SLC26A3: variants seen among roughly 807,000 people sequenced by gnomAD.
SLC26A3 encodes chloride anion exchanger.
Under a neutral mutation model 85.6 loss-of-function variants are expected in SLC26A3, and 64 were observed. The observed-to-expected ratio is 0.75, with a 90% CI of 0.61 to 0.92. The LOEUF (loss-of-function observed/expected upper bound fraction) is 0.92, where lower values mean the gene tolerates loss of function less well. Among genes scored for constraint, SLC26A3 ranks in the 40% least tolerant of loss-of-function variants. SLC26A3 has a pLI of 0.00. For missense variants in SLC26A3, 922 were observed against 927.3 expected, an observed-to-expected ratio of 0.99 and a Z score of 0.07; for synonymous variants, 349 against 336.0, an observed-to-expected ratio of 1.04 and a Z score of -0.42.
At chr7:107,775,628 G>A (rs1038008521) in intron 15 of SLC26A3, among the ~76,000 whole-genome samples, 2 of 151,386 alleles carry the variant, frequency 1.3e-5, no homozygotes, top group African/African-American at 4.9e-5. Flanking sequence ...TCTACTTGGG[G>A]GGCTGAGGTA....
At chr7:107,784,464 T>TG in intron 8 of SLC26A3, among the ~76,000 whole-genome samples, 1 of 152,276 alleles carries the variant, frequency 6.6e-6, no homozygotes, top group Non-Finnish European at 1.5e-5. Flanking sequence ...TCTGTTTTTT[T>TG]GAGATGGGGT....
chr7:107,767,868 A>G lies in SLC26A3; in HGVS notation c.2103T>C (p.Asp701=), dbSNP rs1366488913. The G allele has an allele frequency of 6.2e-7, 1 of 1,613,700 alleles. No individual in the cohort carries two copies. Among genetic ancestry groups the G allele is most frequent in the Admixed American group, 1.7e-5 (1 of 59,958 alleles). Residue 701 remains aspartate, a synonymous_variant, in exon 19 of 21, where the codon GAT becomes GAC. Coordinates refer to ENST00000340010, the MANE Select transcript of SLC26A3 (RefSeq NM_000111.3). ...AAAATATTGAGCTTTTCACTTCACCATCAAAAAATTCATACCGGTTAAGCT... is the reference window on the plus strand; with the variant it reads ...AAAATATTGAGCTTTTCACTTCACCGTCAAAAAATTCATACCGGTTAAGCT... The part of the protein sequence containing the change: ...IEKLNRYEFF[D]GEVKSSIFFL...
chr7:107,767,912 A>G lies in SLC26A3; in HGVS notation c.2063-4T>C, dbSNP rs771064312. The G allele has an allele frequency of 2.5e-6, 4 of 1,613,094 alleles. No homozygotes were observed. In the African/African-American group the frequency reaches 5.3e-5, roughly 22 times the overall value. ...TTAAGCTTCTCAATGAAGTCATCTG[A>G]AGAGAAAAAAACAGTAACTTTTAGG... On this transcript the variant is annotated splice_polypyrimidine_tract_variant and splice_region_variant and intron_variant, in intron 18 of 20. Coordinates refer to ENST00000340010, the MANE Select transcript of SLC26A3 (RefSeq NM_000111.3).
Position 107,780,166 on chromosome 7 carries a change from TA to T in SLC26A3, c.1312-404del, listed in dbSNP as rs942619780. Among the ~76,000 whole-genome samples the T allele has an allele frequency of 5.0e-3, 727 of 146,808 alleles. 8 individuals are homozygous for T. The highest frequency in any genetic ancestry group is 0.016 in the African/African-American group (662 of 40,344). On this transcript the variant is annotated intron_variant, in intron 11 of 20. Coordinates refer to ENST00000340010, the MANE Select transcript of SLC26A3 (RefSeq NM_000111.3). ...CAAGGAGATGGGGGTTGCTCTTTGT[TA>T]AAAAAAAAAATAGCTTGGGAAGCTT...
intron 7 of SLC26A3, 122 bp from the exon 8 acceptor site, chr7:107,787,031 T>G (rs1584409016): frequency 1.2e-6 from 1 of 865,012 alleles, no homozygotes; most frequent in East Asian, 2.5e-5. Context: ...CAGCCCAGGC[T>G]TTGTTACTTT....
chr7:107,770,014 C>CTTTCTTTCTT (rs1554377090), intron 18 of SLC26A3, among the ~76,000 whole-genome samples: 1 of 37,296 alleles, frequency 2.7e-5, no homozygotes, highest in African/African-American at 2.8e-4. Context: ...TTCTTTCTTT[C>CTTTCTTTCTT]TTTCTTTCTT....
At position 107,791,943 on chromosome 7, in the gene SLC26A3, G is replaced by C; in HGVS notation, c.272-3C>G. 1.3e-6 allele frequency: 2 copies of C among 1,559,526 alleles called. No individual in the cohort carries two copies. The highest frequency in any genetic ancestry group is 1.8e-6 in the Non-Finnish European group (2 of 1,130,550). ...GACCAGCAGAGCAAATGCTAAACCT[G>C]TAAACACACAAGCAGCAGAGCCCTT... On this transcript the variant is annotated splice_polypyrimidine_tract_variant and splice_region_variant and intron_variant, in intron 3 of 20. Coordinates refer to ENST00000340010, the MANE Select transcript of SLC26A3 (RefSeq NM_000111.3).
chr7:107,782,887 A>AC lies in SLC26A3; in HGVS notation c.1234-14_1234-13insG. The stretch of plus-strand genomic sequence containing the variant: ...TAAGCCCAGCAATCTGTGAGGATAA[A>AC]AAAATTATCATCACCAACTCAACTT... On this transcript the variant is annotated splice_polypyrimidine_tract_variant and intron_variant, in intron 10 of 20. Transcript: ENST00000340010. 1 of 1,613,976 alleles carries AC rather than the reference A, an allele frequency of 6.2e-7. No homozygotes were observed. The highest frequency in any genetic ancestry group is 1.3e-5 in the African/African-American group (1 of 75,000).
rs386833446 is a variant in SLC26A3 at position 107,783,077 on chromosome 7, C to G, written c.1136G>C (p.Gly379Ala). 1.5e-4 allele frequency: 241 copies of G among 1,614,044 alleles called. No individual in the cohort carries two copies. Among genetic ancestry groups the G allele is most frequent in the Non-Finnish European group, 2.0e-4 (241 of 1,180,030 alleles). Reference protein sequence around the residue: ...LDGNQELIALGLGNIVCGVFR... With the variant: ...LDGNQELIALALGNIVCGVFR... ...TACTCCACAGACTATGTTACCCAGT[C>G]CCAAGGCTATTAACTCCTGACAGGA... Residue 379 changes from glycine to alanine, a missense_variant, in exon 10 of 21, where the codon GGA (glycine) becomes GCA (alanine). Gly to Ala is a moderately conservative substitution (Grantham distance 60). Coordinates refer to ENST00000340010, the MANE Select transcript of SLC26A3 (RefSeq NM_000111.3).
chr7:107,793,854 A>T lies in SLC26A3; in HGVS notation c.159T>A (p.Ile53=). The change falls in exon 3 of 21, where the codon ATT becomes ATA. Residue 53 remains isoleucine, a synonymous_variant. Coordinates refer to ENST00000340010, the MANE Select transcript of SLC26A3 (RefSeq NM_000111.3). The stretch of plus-strand genomic sequence containing the variant: ...ATGCTATGGGGAACAAAGAGAGGAC[A>T]ATTCTCTTGGCCTTTTGTGGGGAAC... The part of the protein sequence containing the change: ...CSCSPQKAKR[I]VLSLFPIASW... The T allele has an allele frequency of 6.2e-7, 1 of 1,613,998 alleles. No homozygotes were observed. The highest frequency in any genetic ancestry group is 2.2e-5 in the East Asian group (1 of 44,882).
At chr7:107,769,992 C>CT (rs879506537) in intron 18 of SLC26A3, among the ~76,000 whole-genome samples, 36 of 123,314 alleles carry the variant, frequency 2.9e-4, no homozygotes, top group Non-Finnish European at 4.9e-4. Flanking sequence ...TTCCTTCCTT[C>CT]CTTTTTTCTC....
At chr7:107,798,772 C>T (rs1794554112) in intron 1 of SLC26A3, among the ~76,000 whole-genome samples, 1 of 152,142 alleles carries the variant, frequency 6.6e-6, no homozygotes, top group African/African-American at 2.4e-5. Context: ...CCACACTGTG[C>T]CTGAAATCTG....
chr7:107,790,961 A>G, intron 5 of SLC26A3, 87 bp downstream of exon 5: 1 of 1,355,790 alleles, frequency 7.4e-7, no homozygotes, highest in Non-Finnish European at 1.0e-6. Flanking sequence ...GATGGGGAGG[A>G]GTGGCAGGGG....
intron 20 of SLC26A3, among the ~76,000 whole-genome samples, chr7:107,767,238 A>G (rs1286788513): frequency 6.6e-6 from 1 of 152,176 alleles, no homozygotes; most frequent in Non-Finnish European, 1.5e-5. Flanking sequence ...TCACCTGTAA[A>G]TGGAAAGAGC....
chr7:107,791,733 T>C (rs920425705), intron 4 of SLC26A3, 97 bp downstream of exon 4: 2 of 834,636 alleles, frequency 2.4e-6, no homozygotes, highest in African/African-American at 3.3e-5. Context: ...ACTCTTCTCC[T>C]GGATTATGTG....
chr7:107,775,746 A>G (rs1430218229), intron 15 of SLC26A3, among the ~76,000 whole-genome samples: 3 of 152,128 alleles, frequency 2.0e-5, no homozygotes, highest in Admixed American at 1.3e-4. Flanking sequence ...TTGACAAAAA[A>G]TATAGTTAGA....
chr7:107,783,399 A>T, intron 8 of SLC26A3, 47 bp from the exon 9 acceptor site: 1 of 1,603,806 alleles, frequency 6.2e-7, no homozygotes, highest in South Asian at 1.1e-5. Context: ...CCAATTTATA[A>T]ACTGATATAA....
At chr7:107,767,726 G>A (rs769930794) in intron 19 of SLC26A3, 40 bp downstream of exon 19, 2 of 1,612,164 alleles carry the variant, frequency 1.2e-6, no homozygotes, top group Non-Finnish European at 8.5e-7. Context: ...AGTGCAGATG[G>A]CTGCTTATGC....
chr7:107,768,393 T>G (rs574044247), intron 18 of SLC26A3, among the ~76,000 whole-genome samples: 89 of 152,342 alleles, frequency 5.8e-4, no homozygotes, highest in Admixed American at 5.6e-3. Context: ...TCTCTAATCA[T>G]CTTTGAGAAA....
Sources: allele counts gnomAD v4.1 joint callset (sites outside exome capture counted in the v4.1 genomes callset), GRCh38; gene constraint gnomAD v4.1.1; transcripts MANE v1.5; gene names NCBI Gene and HGNC (gene_info 2026-07-23, HGNC 2026-07-21).